GPR157: variants seen among roughly 807,000 people sequenced by gnomAD.
GPR157 encodes G protein-coupled receptor 157.
Under a neutral mutation model 23.5 loss-of-function variants are expected in GPR157, and 16 were observed. That is an observed-to-expected ratio of 0.68 (90% CI 0.46 to 1.04). The LOEUF is 1.04. Ranked by LOEUF, GPR157 falls within the 50% of genes least tolerant of loss-of-function variation. The pLI is 0.00. For synonymous variants in GPR157, 200 were observed against 221.5 expected, an observed-to-expected ratio of 0.90 and a Z score of 0.86; for missense variants, 440 against 460.7, an observed-to-expected ratio of 0.96 and a Z score of 0.41.
At chr1:9,111,022 C>G (rs1475668091) in intron 2 of GPR157, 1 of 545,320 alleles carries the variant, frequency 1.8e-6, no homozygotes, top group Non-Finnish European at 3.4e-6. Flanking sequence ...TCGGCTAAGC[C>G]TCGTTTCCTT....
intron 2 of GPR157, among the ~76,000 whole-genome samples, chr1:9,110,515 C>A (rs1638460410): frequency 1.3e-5 from 2 of 152,018 alleles, no homozygotes; most frequent in Admixed American, 1.3e-4. Flanking sequence ...AGAGCAAGAC[C>A]CTGTCTCAAA....
intron 1 of GPR157, among the ~76,000 whole-genome samples, chr1:9,123,174 A>AAAAAAAAATATATAT: frequency 8.5e-6 from 1 of 117,088 alleles, no homozygotes; most frequent in African/African-American, 3.4e-5. Flanking sequence ...AAAAAAAAAA[A>AAAAAAAAATATATAT]ATATATATAT....
At chr1:9,123,854 G>C (rs1469478403) in intron 1 of GPR157, among the ~76,000 whole-genome samples, 6 of 121,626 alleles carry the variant, frequency 4.9e-5, no homozygotes, top group African/African-American at 1.8e-4. Context: ...TTTGAGATAG[G>C]GTCTTGCTCT....
chr1:9,128,715 A>G lies in GPR157; in HGVS notation c.313T>C (p.Tyr105His), dbSNP rs756356127. Residue 105 changes from tyrosine to histidine, a missense_variant, in exon 1 of 4, where the codon TAC becomes CAC. Coordinates refer to ENST00000377411, the MANE Select transcript of GPR157 (RefSeq NM_024980.5). The surrounding 1 kb of genome is among the most constrained non-coding windows in gnomAD (Gnocchi z 6.3). ...CGCGCGGCGCGGACGATGCTGAGGT[A>G]CAAGTAGAGCGCAATGGCCACGGTC... ...FWTVAIALYL[Y>H]LSIVRAARGP... 27 of 1,613,298 alleles carry G rather than the reference A, an allele frequency of 1.7e-5. No homozygotes were observed. In the South Asian group the frequency reaches 2.4e-4, roughly 14 times the overall value.
chr1:9,119,809 T>G (rs1569970074), intron 1 of GPR157, among the ~76,000 whole-genome samples: 1 of 152,278 alleles, frequency 6.6e-6, no homozygotes, highest in East Asian at 1.9e-4. Context: ...TCAACACCTT[T>G]TAAGTGTCCT....
rs1452738418 is a variant in GPR157 at position 9,128,542 on chromosome 1, G to A, written c.383+103C>T. 1 of 1,104,720 alleles carries A rather than the reference G, an allele frequency of 9.1e-7. No individual in the cohort carries two copies. Among genetic ancestry groups the A allele is most frequent in the Non-Finnish European group, 1.3e-6 (1 of 748,498 alleles). 68.4% of individuals were successfully genotyped at this position (1,104,720 alleles called of 1,614,324 possible). A position where few individuals can be genotyped will look rare whatever the true frequency, so the allele number is the denominator to read the frequency against. On this transcript the variant is annotated intron_variant, in intron 1 of 3. Transcript: ENST00000377411. The surrounding 1 kb of genome is among the most constrained non-coding windows in gnomAD (Gnocchi z 6.3). ...GGCGCCAGCAGGCACTGCTTGCTGT[G>A]GGTAGGGGGTGTCCAACCTAGACGC...
intron 1 of GPR157, among the ~76,000 whole-genome samples, chr1:9,123,548 T>A (rs1638881081): frequency 6.0e-5 from 1 of 16,776 alleles, no homozygotes; most frequent in African/African-American, 2.5e-4. Context: ...ATATATCTAA[T>A]TTAAATATAT....
chr1:9,117,714 A>G (rs934540499), intron 1 of GPR157, among the ~76,000 whole-genome samples: 1 of 152,134 alleles, frequency 6.6e-6, no homozygotes, highest in South Asian at 2.1e-4. Flanking sequence ...GTAAACTGAG[A>G]TCGCGCCACT....
rs1408258262 is a variant in GPR157 at position 9,105,019 on chromosome 1, G to A, written c.793-385C>T. 8.4e-6 allele frequency among the ~76,000 whole-genome samples: 1 copy of A among 119,468 alleles called. No individual in the cohort carries two copies. Among genetic ancestry groups the A allele is most frequent in the Non-Finnish European group, 1.7e-5 (1 of 58,412 alleles). 78.4% of individuals were successfully genotyped at this position (119,468 alleles called of 152,430 possible). On this transcript the variant is annotated intron_variant, in intron 3 of 3. Transcript: ENST00000377411. The surrounding 1 kb of genome is among the most constrained non-coding windows in gnomAD (Gnocchi z 4.8). The stretch of plus-strand genomic sequence containing the variant: ...TGTCCCCGCACCCCCCCCCAAAAAA[G>A]AGAAATGGCTGAGAAACACACACAC...
chr1:9,117,687 G>A (rs745849807), intron 1 of GPR157, among the ~76,000 whole-genome samples: 12 of 152,082 alleles, frequency 7.9e-5, no homozygotes, highest in South Asian at 2.1e-4. Context: ...ACTTGAACCC[G>A]GGAGGTGGAG....
chr1:9,127,790 C>T (rs888553689), intron 1 of GPR157, among the ~76,000 whole-genome samples: 1 of 152,188 alleles, frequency 6.6e-6, no homozygotes, highest in Non-Finnish European at 1.5e-5. Context: ...GTATCTGATG[C>T]TCTGATCTGG....
intron 2 of GPR157, among the ~76,000 whole-genome samples, chr1:9,108,591 A>G (rs965065828): frequency 2.6e-5 from 4 of 152,206 alleles, no homozygotes; most frequent in Non-Finnish European, 5.9e-5. Flanking sequence ...AAGGGCATCC[A>G]TCACCTGGGC....
At chr1:9,123,403 T>G (rs1453891716) in intron 1 of GPR157, among the ~76,000 whole-genome samples, 2 of 105,726 alleles carry the variant, frequency 1.9e-5, no homozygotes, top group Admixed American at 1.3e-4. Context: ...AAATATATAT[T>G]TAATTTAAAT....
At position 9,100,317 on chromosome 1, in the gene GPR157, A is replaced by T. The variant is rs895319458; in HGVS notation, c.*4102T>A. On this transcript the variant is annotated 3_prime_UTR_variant, in exon 4 of 4. Transcript: ENST00000377411. ...TTTACCAAACACATAGGAGAAAAAT[A>T]ATTTATTTATTTAATTTAAAACAGC... is the stretch of plus-strand genomic sequence containing the variant. 2.0e-5 allele frequency: 3 copies of T among 152,134 alleles called. No individual in the cohort carries two copies. Among genetic ancestry groups the T allele is most frequent in the African/African-American group, 4.8e-5 (2 of 41,426 alleles). The allele number at this position is 152,134 out of a possible 1,614,324, so 9.4% of individuals were successfully genotyped here.
chr1:9,111,184 C>G, intron 2 of GPR157, 92 bp downstream of exon 2: 1 of 1,203,310 alleles, frequency 8.3e-7, no homozygotes, highest in South Asian at 1.3e-5. Flanking sequence ...GAGACGCAAC[C>G]TGTCCCCTCG....
intron 1 of GPR157, among the ~76,000 whole-genome samples, chr1:9,112,571 G>T (rs1379411950): frequency 6.6e-6 from 1 of 152,162 alleles, no homozygotes; most frequent in Non-Finnish European, 1.5e-5. Context: ...TCCTGCCTCA[G>T]CCTCCTAAGT....
At chr1:9,112,951 G>C (rs143951685) in intron 1 of GPR157, among the ~76,000 whole-genome samples, 2 of 152,286 alleles carry the variant, frequency 1.3e-5, no homozygotes, top group Admixed American at 6.5e-5. Flanking sequence ...TTAGTGCAGC[G>C]GGCTGGATCC....
chr1:9,116,627 C>G (rs1421506444), intron 1 of GPR157, among the ~76,000 whole-genome samples: 1 of 150,404 alleles, frequency 6.6e-6, no homozygotes, highest in Non-Finnish European at 1.5e-5. Context: ...CCTGTAATCC[C>G]AGCTACTCAG....
intron 1 of GPR157, among the ~76,000 whole-genome samples, chr1:9,123,316 TTAAAATATATATATTTA>T (rs1557700793): frequency 5.1e-4 from 12 of 23,642 alleles, no homozygotes; most frequent in East Asian, 4.2e-3. Flanking sequence ...TAAATATATA[TTAAAATATATATATTTA>T]ATTTAAATAT....
Sources: allele counts gnomAD v4.1 joint callset (sites outside exome capture counted in the v4.1 genomes callset), GRCh38; gene constraint gnomAD v4.1.1; non-coding constraint Gnocchi (gnomAD v3.1); transcripts MANE v1.5; gene names NCBI Gene and HGNC (gene_info 2026-07-23, HGNC 2026-07-21).